Variants in LIPC observed in about 807,000 individuals in gnomAD.
The protein encoded by LIPC is lipase C, hepatic type.
LIPC carries 44 observed loss-of-function variants against 50.7 expected under a neutral mutation model. The ratio of observed to expected loss-of-function variants is 0.87; its 90% confidence interval spans 0.68 to 1.11. The LOEUF (loss-of-function observed/expected upper bound fraction) is 1.11. Among genes scored for constraint, LIPC ranks in the 50% most tolerant of loss-of-function variants. LIPC has a pLI of 0.00. For synonymous variants in LIPC, 271 were observed against 256.4 expected (o/e 1.06, Z -0.54); for missense variants, 697 against 648.2 (o/e 1.08, Z -0.82).
At chr15:58,471,330 G>GGGGA (rs767745717) in intron 1 of LIPC, among the ~76,000 whole-genome samples, 1 of 118,334 alleles carries the variant, frequency 8.5e-6, no homozygotes, top group Admixed American at 8.2e-5. Context: ...AGTAGAGATG[G>GGGGA]GGGGGGGTGG....
intron 1 of LIPC, among the ~76,000 whole-genome samples, chr15:58,533,688 T>C (rs56101791): frequency 0.05 from 7,573 of 152,246 alleles, 499 homozygotes; most frequent in African/African-American, 0.15. Flanking sequence ...AAACCATTTA[T>C]GTAACATGAT....
At chr15:58,540,788 C>T (rs1326635848) in intron 2 of LIPC, among the ~76,000 whole-genome samples, 1 of 152,058 alleles carries the variant, frequency 6.6e-6, no homozygotes, top group Non-Finnish European at 1.5e-5. Context: ...ACCTGCCCAC[C>T]TGTATTCTTT....
intron 1 of LIPC, among the ~76,000 whole-genome samples, chr15:58,505,544 G>T (rs1299459642): frequency 6.6e-6 from 1 of 152,188 alleles, no homozygotes; most frequent in African/African-American, 2.4e-5. Flanking sequence ...CATTTCATGA[G>T]TATGAAGATA....
chr15:58,492,465 T>A (rs1207780159), intron 1 of LIPC, among the ~76,000 whole-genome samples: 1 of 152,298 alleles, frequency 6.6e-6, no homozygotes, highest in African/African-American at 2.4e-5. Flanking sequence ...TCTCCTACTC[T>A]AAACCCCCAC....
At chr15:58,436,534 G>A (rs181600636) in intron 1 of LIPC, 45 of 272,900 alleles carry the variant, frequency 1.6e-4, no homozygotes, top group Non-Finnish European at 2.8e-4. Flanking sequence ...AGAAGAAATC[G>A]AGAAAGTAGT....
intron 1 of LIPC, among the ~76,000 whole-genome samples, chr15:58,525,841 G>A (rs1892786300): frequency 6.6e-6 from 1 of 152,236 alleles, no homozygotes; most frequent in Non-Finnish European, 1.5e-5. Flanking sequence ...CCTTCAAGGA[G>A]GAAGATGTTA....
intron 1 of LIPC, chr15:58,521,915 C>G (rs1193327845): frequency 6.6e-6 from 1 of 151,834 alleles, no homozygotes; most frequent in African/African-American, 2.4e-5. Flanking sequence ...ATCTCTCTCT[C>G]TCTCTCTCTC....
At chr15:58,522,817 A>C (rs1892695580) in intron 1 of LIPC, 1 of 152,440 alleles carries the variant, frequency 6.6e-6, no homozygotes, top group Non-Finnish European at 1.5e-5. Context: ...TGGGACAGCA[A>C]AAGACTTCTC....
chr15:58,553,189 C>T lies in LIPC; in HGVS notation c.1051+4617C>T, dbSNP rs147112431. 7.4e-4 allele frequency among the ~76,000 whole-genome samples: 113 copies of T among 152,274 alleles called. 1 individual carries two copies. Among genetic ancestry groups the T allele is most frequent in the African/African-American group, 2.6e-3 (109 of 41,548 alleles). ...GTCTATCCGTTGAGGGCCCTTATTC[C>T]ACCCACAGCACAAAGAGCTGGCAAC... is the stretch of plus-strand genomic sequence containing the variant. On this transcript the variant is annotated intron_variant, in intron 6 of 8. Coordinates refer to ENST00000299022, the MANE Select transcript of LIPC (RefSeq NM_000236.3).
chr15:58,553,491 G>A (rs541497504), intron 6 of LIPC, among the ~76,000 whole-genome samples: 2 of 152,330 alleles, frequency 1.3e-5, no homozygotes, highest in South Asian at 2.1e-4. Context: ...AGCTACTTGG[G>A]AGACTGCAGG....
intron 1 of LIPC, among the ~76,000 whole-genome samples, chr15:58,475,361 T>A (rs1428309017): frequency 1.3e-5 from 2 of 152,230 alleles, no homozygotes; most frequent in Non-Finnish European, 2.9e-5. Flanking sequence ...GTGGCCTCCA[T>A]AGAAAAGGCA....
chr15:58,459,171 C>T (rs1894244710), intron 1 of LIPC, among the ~76,000 whole-genome samples: 1 of 152,138 alleles, frequency 6.6e-6, no homozygotes, highest in Non-Finnish European at 1.5e-5. Context: ...ACCAAAGGCC[C>T]AGTGGACATC....
intron 7 of LIPC, 73 bp from the exon 8 acceptor site, chr15:58,563,432 C>T (rs139207345): frequency 8.0e-7 from 1 of 1,253,562 alleles, no homozygotes; most frequent in African/African-American, 1.5e-5. Context: ...CACAACACAT[C>T]CTGAATGTGT....
At chr15:58,453,682 C>T (rs770572392) in intron 1 of LIPC, among the ~76,000 whole-genome samples, 24 of 152,002 alleles carry the variant, frequency 1.6e-4, no homozygotes, top group Non-Finnish European at 2.9e-4. Context: ...AGGTGGATTG[C>T]TTGACCCCAT....
At chr15:58,519,151 G>C (rs1892574457) in intron 1 of LIPC, among the ~76,000 whole-genome samples, 1 of 152,090 alleles carries the variant, frequency 6.6e-6, no homozygotes, top group Non-Finnish European at 1.5e-5. Flanking sequence ...GCTCACGCCT[G>C]TAATCCCAGA....
intron 1 of LIPC, among the ~76,000 whole-genome samples, chr15:58,520,670 G>A (rs529748245): frequency 2.0e-5 from 3 of 152,304 alleles, no homozygotes; most frequent in Admixed American, 6.5e-5. Flanking sequence ...AAGTAATTGA[G>A]GTTGAGAGCC....
At chr15:58,522,251 C>T (rs1892680076) in intron 1 of LIPC, 2 of 153,820 alleles carry the variant, frequency 1.3e-5, no homozygotes, top group Admixed American at 1.3e-4. Context: ...TCAGCTTCCT[C>T]CACCCCCAGC....
rs539367277 is a variant in LIPC, at chr15:58,537,708, C to T, written c.89-625C>T. Among the ~76,000 whole-genome samples, 12 of 152,302 alleles carry T rather than the reference C, an allele frequency of 7.9e-5. No individual in the cohort carries two copies. In the South Asian group the frequency reaches 1.9e-3, roughly 24 times the overall value. ...TCCTGCAAGGCCAGGGTCAACATCA[C>T]ATTCCCTGAAAAGCCCTCCCTGAAT... On this transcript the variant is annotated intron_variant, in intron 1 of 8. Coordinates refer to ENST00000299022, the MANE Select transcript of LIPC (RefSeq NM_000236.3).
chr15:58,534,279 G>T (rs189236903), intron 1 of LIPC, among the ~76,000 whole-genome samples: 2 of 152,292 alleles, frequency 1.3e-5, no homozygotes, highest in African/African-American at 4.8e-5. Context: ...CTGCAGTAAA[G>T]GTATGAGGGT....
Sources: allele counts gnomAD v4.1 joint callset (sites outside exome capture counted in the v4.1 genomes callset), GRCh38; gene constraint gnomAD v4.1.1; transcripts MANE v1.5; gene names NCBI Gene and HGNC (gene_info 2026-07-23, HGNC 2026-07-21).